PCBP3: variants seen among roughly 807,000 people sequenced by gnomAD.
PCBP3 encodes the protein poly(rC)-binding protein 3.
In PCBP3, 25 loss-of-function variants were observed where a neutral mutation model predicts 52.7. That is an observed-to-expected ratio of 0.47 (90% confidence interval 0.35 to 0.66). The LOEUF is 0.66. PCBP3 is among the 30% of genes least tolerant of loss of function. The pLI, the probability that PCBP3 is intolerant of heterozygous loss-of-function variation, is 0.01. For synonymous variants in PCBP3, 162 were observed against 183.0 expected (o/e 0.89, Z 0.93); for missense variants, 391 against 490.3 (o/e 0.80, Z 1.91).
intron 2 of PCBP3, among the ~76,000 whole-genome samples, chr21:45,712,475 T>C (rs2083902186): frequency 6.6e-6 from 1 of 152,206 alleles, no homozygotes; most frequent in African/African-American, 2.4e-5. Flanking sequence ...TGTTTTAATA[T>C]GCAGTTTCCT....
Position 45,918,493 on chromosome 21 carries a change from TG to T in PCBP3, c.717+869del, listed in dbSNP as rs537473787. On this transcript the variant is annotated intron_variant, in intron 13 of 17. Transcript: ENST00000681687. ...TAAACGGTCGGTGTAATTCCAGTGC[TG>T]GGGGAAGAAGTTACTCTCAGATAAA... 59 of 69,202 alleles carry T rather than the reference TG, an allele frequency of 8.5e-4. 6 individuals are homozygous for T. Among genetic ancestry groups the T allele is most frequent in the African/African-American group, 4.3e-3 (58 of 13,584 alleles). 4.3% of individuals were successfully genotyped at this position (69,202 alleles called of 1,614,324 possible). A position where few individuals can be genotyped will look rare whatever the true frequency, so the allele number is the denominator to read the frequency against.
At chr21:45,716,308 T>C (rs2084216891) in intron 2 of PCBP3, among the ~76,000 whole-genome samples, 1 of 152,190 alleles carries the variant, frequency 6.6e-6, no homozygotes, top group African/African-American at 2.4e-5. Context: ...TTTGTTGATT[T>C]CCATATCTAT....
At chr21:45,775,160 G>A (rs2090159223) in intron 4 of PCBP3, among the ~76,000 whole-genome samples, 1 of 152,106 alleles carries the variant, frequency 6.6e-6, no homozygotes, top group Admixed American at 6.5e-5. Context: ...TGTATTGGGA[G>A]GCTTTTACTA....
At chr21:45,681,034 C>T (rs544199181) in intron 2 of PCBP3, among the ~76,000 whole-genome samples, 35 of 152,278 alleles carry the variant, frequency 2.3e-4, no homozygotes, top group Middle Eastern at 3.4e-3. Context: ...GCAAATGCTG[C>T]GTCCTTACAT....
chr21:45,894,251 G>C lies in PCBP3; in HGVS notation c.11-1957G>C, dbSNP rs532918738. ...CCTGTGTGACTGATAGAGGCTGACAGCCTGGAGCCCCAAGCACCCCTGGCA... is the reference window on the plus strand; with the variant it reads ...CCTGTGTGACTGATAGAGGCTGACACCCTGGAGCCCCAAGCACCCCTGGCA... On this transcript the variant is annotated intron_variant, in intron 5 of 17. Transcript: ENST00000681687. Among the ~76,000 whole-genome samples the C allele has an allele frequency of 2.0e-5, 3 of 152,354 alleles. No homozygotes were observed. The South Asian group carries it at 6.2e-4, about 32-fold the overall frequency.
intron 2 of PCBP3, among the ~76,000 whole-genome samples, chr21:45,695,983 G>T (rs1173965148): frequency 1.3e-5 from 2 of 148,538 alleles, no homozygotes; most frequent in African/African-American, 5.0e-5. Flanking sequence ...GGAGGCTGAG[G>T]CAGGAGAATC....
chr21:45,684,699 T>C (rs1266710775), intron 2 of PCBP3, among the ~76,000 whole-genome samples: 2 of 152,152 alleles, frequency 1.3e-5, no homozygotes, highest in Non-Finnish European at 2.9e-5. Context: ...CAGATGCTGG[T>C]GCCATGATTG....
chr21:45,897,382 T>G (rs1441571025), intron 6 of PCBP3, among the ~76,000 whole-genome samples: 1 of 152,186 alleles, frequency 6.6e-6, no homozygotes, highest in Admixed American at 6.5e-5. Flanking sequence ...ACAGCGTGTG[T>G]GGAGCACCCA....
chr21:45,770,850 C>T (rs1260477789), intron 4 of PCBP3, among the ~76,000 whole-genome samples: 1 of 152,232 alleles, frequency 6.6e-6, no homozygotes, highest in South Asian at 2.1e-4. Context: ...ATCTCCCTCA[C>T]CCACTGCCTC....
Position 45,928,277 on chromosome 21 carries a change from AC to A in PCBP3, c.718-1637del, listed in dbSNP as rs962906026. 1.3e-5 allele frequency among the ~76,000 whole-genome samples: 2 copies of A among 151,934 alleles called. No homozygotes were observed. The highest frequency in any genetic ancestry group is 4.8e-5 in the African/African-American group (2 of 41,324). ...GCTTCCACACACATCCCCTCAGATA[AC>A]CCGGCACACCCGTTCACGTTACATC... On this transcript the variant is annotated intron_variant, in intron 13 of 17. Transcript: ENST00000681687. This position sits in a 1 kb window ranked among gnomAD's most constrained non-coding sequence, Gnocchi z 4.1.
chr21:45,846,331 T>C (rs955558228), intron 4 of PCBP3, among the ~76,000 whole-genome samples: 2 of 152,244 alleles, frequency 1.3e-5, no homozygotes, highest in African/African-American at 4.8e-5. Flanking sequence ...TGGTCTTGCA[T>C]TGTTAGCATA....
At chr21:45,729,937 A>T (rs565052216) in intron 2 of PCBP3, among the ~76,000 whole-genome samples, 8 of 152,062 alleles carry the variant, frequency 5.3e-5, no homozygotes, top group East Asian at 1.9e-4. Flanking sequence ...ATGTAAAAAA[A>T]TTTTTTTGTA....
rs924578265 is a variant in PCBP3 at position 45,807,565 on chromosome 21, C to T, written c.-125-42396C>T. Among the ~76,000 whole-genome samples, 11 of 152,142 alleles carry T rather than the reference C, an allele frequency of 7.2e-5. No individual in the cohort carries two copies. The East Asian group carries it at 1.2e-3, about 16-fold the overall frequency. On this transcript the variant is annotated intron_variant, in intron 4 of 17. Transcript: ENST00000681687. ...CAAATAAATGAAAAAACATTCCATG[C>T]TCATGGATAGGAAGAATCAATATCA... is the stretch of plus-strand genomic sequence containing the variant.
intron 5 of PCBP3, among the ~76,000 whole-genome samples, chr21:45,873,568 C>T (rs182499593): frequency 2.0e-5 from 3 of 152,128 alleles, no homozygotes; most frequent in Non-Finnish European, 2.9e-5. Context: ...GACGCTGTGT[C>T]GTTTATGCTT....
At chr21:45,934,609 T>C (rs1013167142) in intron 15 of PCBP3, among the ~76,000 whole-genome samples, 1 of 152,202 alleles carries the variant, frequency 6.6e-6, no homozygotes, top group Admixed American at 6.5e-5. Context: ...TTGCTCCAAA[T>C]TGGAAGAACT....
chr21:45,789,180 G>A (rs996234872), intron 4 of PCBP3, among the ~76,000 whole-genome samples: 1 of 152,220 alleles, frequency 6.6e-6, no homozygotes, highest in Admixed American at 6.5e-5. Flanking sequence ...GTGTGCACAC[G>A]TGCGTGTGCA....
At chr21:45,871,217 CCGTG>C (rs1373002602) in intron 5 of PCBP3, 9 of 169,968 alleles carry the variant, frequency 5.3e-5, no homozygotes, top group South Asian at 2.2e-4. Flanking sequence ...CCAGGGAAGG[CCGTG>C]CAGTCCAGTG....
rs374202747 is a variant in PCBP3, at chr21:45,869,566, G to A, written c.10+19471G>A. Among the ~76,000 whole-genome samples, 14 of 152,282 alleles carry A rather than the reference G, an allele frequency of 9.2e-5. No individual in the cohort carries two copies. In the East Asian group the frequency reaches 1.5e-3, roughly 17 times the overall value. On this transcript the variant is annotated intron_variant, in intron 5 of 17. Coordinates refer to ENST00000681687, the MANE Select transcript of PCBP3 (RefSeq NM_001384156.1). ...TGCTCCTGCTCCTGCTCCTCTCGCC[G>A]TCCCCACCCTCCTCCATCATGCTGT...
At chr21:45,799,437 A>G (rs1255156419) in intron 4 of PCBP3, among the ~76,000 whole-genome samples, 2 of 146,892 alleles carry the variant, frequency 1.4e-5, no homozygotes, top group Admixed American at 1.4e-4. Context: ...GTTCTGTTTT[A>G]TTATTGTTAA....
Sources: gnomAD v4.1 joint callset for allele counts (sites outside exome capture counted in the v4.1 genomes callset) on GRCh38, gnomAD v4.1.1 for gene constraint, Gnocchi (gnomAD v3.1) non-coding constraint, MANE v1.5 for transcripts, NCBI Gene and HGNC (gene_info 2026-07-23, HGNC 2026-07-21) for gene names.